Variants in KIRREL3 observed in about 807,000 individuals in gnomAD.
KIRREL3 encodes the protein kirre like nephrin family adhesion molecule 3, also known as kin of IRRE-like protein 3.
In KIRREL3, 36 loss-of-function variants were observed where a neutral mutation model predicts 89.7. The ratio of observed to expected loss-of-function variants is 0.40; its 90% CI spans 0.31 to 0.53. The LOEUF (loss-of-function observed/expected upper bound fraction) is 0.53, where lower values mean the gene tolerates loss of function less well. KIRREL3 is among the 20% of genes least tolerant of loss of function. The pLI is 0.49. For synonymous variants in KIRREL3, 445 were observed against 441.4 expected (o/e 1.01, Z -0.10); for missense variants, 864 against 1,056.6 (o/e 0.82, Z 2.53).
chr11:126,517,394 A>C (rs1958452148), intron 4 of KIRREL3, among the ~76,000 whole-genome samples: 1 of 152,018 alleles, frequency 6.6e-6, no homozygotes, highest in Admixed American at 6.5e-5. Flanking sequence ...TTCCTACCCC[A>C]TGACAGCTCT....
intron 4 of KIRREL3, among the ~76,000 whole-genome samples, chr11:126,514,398 C>T (rs1002778785): frequency 5.3e-5 from 8 of 152,172 alleles, no homozygotes; most frequent in African/African-American, 1.9e-4. Flanking sequence ...GTGCAGCCTG[C>T]TGGGAGGGGC....
In KIRREL3 at chr11:126,473,418, C is replaced by G. The variant is rs779979146; in HGVS notation, c.482G>C (p.Arg161Pro). 2 of 1,584,222 alleles carry G rather than the reference C, an allele frequency of 1.3e-6. No homozygotes were observed. The highest frequency in any genetic ancestry group is 1.7e-6 in the Non-Finnish European group (2 of 1,161,252). The part of the protein sequence containing the change: ...VILGGPVISL[R>P]AGDPLNLTCH... ...GGTGAGGTTGAGAGGGTCCCCCGCACGCAGGCTGATCACAGGGCCCCCCAG... is the reference window on the plus strand; with the variant it reads ...GGTGAGGTTGAGAGGGTCCCCCGCAGGCAGGCTGATCACAGGGCCCCCCAG... The change falls in exon 5 of 17, where the codon CGT (arginine) becomes CCT (proline). Residue 161 changes from arginine to proline, a missense_variant. Coordinates refer to ENST00000525144, the MANE Select transcript of KIRREL3 (RefSeq NM_032531.4).
chr11:126,618,940 C>T (rs893137782), intron 1 of KIRREL3, among the ~76,000 whole-genome samples: 5 of 152,178 alleles, frequency 3.3e-5, no homozygotes, highest in Non-Finnish European at 7.3e-5. Context: ...AATACGTGTC[C>T]ACTGTGTGTC....
chr11:126,805,579 A>G lies in KIRREL3; in HGVS notation c.55+194876T>C, dbSNP rs1019630341. On this transcript the variant is annotated intron_variant, in intron 1 of 16. Coordinates refer to ENST00000525144, the MANE Select transcript of KIRREL3 (RefSeq NM_032531.4). This position sits in a 1 kb window ranked among gnomAD's most constrained non-coding sequence, Gnocchi z 4.3. ...TTGTCATCCATTAATTAATGAATAA[A>G]TTAAACAAGGCTTTTCCACTCTATC... Among the ~76,000 whole-genome samples the G allele has an allele frequency of 6.6e-6, 1 of 152,222 alleles. No homozygotes were observed. The highest frequency in any genetic ancestry group is 1.5e-5 in the Non-Finnish European group (1 of 68,038).
In KIRREL3 at chr11:126,489,926, G is replaced by C. The variant is rs1328457386; in HGVS notation, c.434-16460C>G. ...GTTAAAATACGTGGGTCTCAGCTCA[G>C]ATCTCCATCCCTGGCACTGTGCAGG... On this transcript the variant is annotated intron_variant, in intron 4 of 16. Coordinates refer to ENST00000525144, the MANE Select transcript of KIRREL3 (RefSeq NM_032531.4). This position sits in a 1 kb window ranked among gnomAD's most constrained non-coding sequence, Gnocchi z 5.5. Among the ~76,000 whole-genome samples, 1 of 152,128 alleles carries C rather than the reference G, an allele frequency of 6.6e-6. No homozygotes were observed. The highest frequency in any genetic ancestry group is 6.5e-5 in the Admixed American group (1 of 15,274).
chr11:126,738,381 G>A (rs771900088), intron 1 of KIRREL3, among the ~76,000 whole-genome samples: 8 of 152,110 alleles, frequency 5.3e-5, no homozygotes, highest in Non-Finnish European at 1.0e-4. Flanking sequence ...GCTGCAGCTG[G>A]AAGTGGGTTT....
In KIRREL3 at chr11:126,877,633, A is replaced by G. The variant is rs1034349621; in HGVS notation, c.55+122822T>C. On this transcript the variant is annotated intron_variant, in intron 1 of 16. Transcript: ENST00000525144. This position sits in a 1 kb window ranked among gnomAD's most constrained non-coding sequence, Gnocchi z 4.9. Reference sequence around the variant, plus strand: ...TTTGACTTGGCTTATTTGAAAAATTATCCCGTTTTATCAATTTTATTTGGC... The same window carrying G: ...TTTGACTTGGCTTATTTGAAAAATTGTCCCGTTTTATCAATTTTATTTGGC... Among the ~76,000 whole-genome samples, 2 of 152,240 alleles carry G rather than the reference A, an allele frequency of 1.3e-5. No homozygotes were observed. Among genetic ancestry groups the G allele is most frequent in the African/African-American group, 4.8e-5 (2 of 41,466 alleles).
chr11:126,454,396 G>A lies in KIRREL3; in HGVS notation c.848+1953C>T, dbSNP rs898601672. ...CCAGAGCCTGGCAGTGAGGAGAAACGAAAGTCGAAAGTTGTGTGTCCTGGT... is the reference window on the plus strand; with the variant it reads ...CCAGAGCCTGGCAGTGAGGAGAAACAAAAGTCGAAAGTTGTGTGTCCTGGT... On this transcript the variant is annotated intron_variant, in intron 7 of 16. Transcript: ENST00000525144. This position sits in a 1 kb window ranked among gnomAD's most constrained non-coding sequence, Gnocchi z 5.8. 2.6e-5 allele frequency among the ~76,000 whole-genome samples: 4 copies of A among 152,094 alleles called. No individual in the cohort carries two copies. The highest frequency in any genetic ancestry group is 2.1e-4 in the South Asian group (1 of 4,816).
chr11:126,836,618 T>C (rs965513434), intron 1 of KIRREL3, among the ~76,000 whole-genome samples: 1 of 152,210 alleles, frequency 6.6e-6, no homozygotes, highest in Admixed American at 6.5e-5. Context: ...GAAAGCCAAC[T>C]TTCTGTTGTG....
Position 126,883,268 on chromosome 11 carries a change from T to G in KIRREL3, c.55+117187A>C, listed in dbSNP as rs1945574447. 6.6e-6 allele frequency among the ~76,000 whole-genome samples: 1 copy of G among 152,102 alleles called. No homozygotes were observed. The highest frequency in any genetic ancestry group is 2.4e-5 in the African/African-American group (1 of 41,414). ...TAGTTAAGAGGAAATTGAGGCAACT[T>G]GGAAAGGCAAAGCAGGTCACCAGAA... On this transcript the variant is annotated intron_variant, in intron 1 of 16. Transcript: ENST00000525144. This position sits in a 1 kb window ranked among gnomAD's most constrained non-coding sequence, Gnocchi z 4.1.
At chr11:126,693,292 G>A (rs541996288) in intron 1 of KIRREL3, among the ~76,000 whole-genome samples, 30 of 152,204 alleles carry the variant, frequency 2.0e-4, no homozygotes, top group African/African-American at 5.5e-4. Flanking sequence ...GTGGTGGCGC[G>A]CACCTGTAAT....
chr11:126,927,887 T>C (rs1947789374), intron 1 of KIRREL3, among the ~76,000 whole-genome samples: 1 of 152,254 alleles, frequency 6.6e-6, no homozygotes, highest in Admixed American at 6.5e-5. Flanking sequence ...ACCTTGCAAT[T>C]CACTTAGGCT....
intron 1 of KIRREL3, among the ~76,000 whole-genome samples, chr11:126,765,244 A>G (rs1037454816): frequency 2.6e-5 from 4 of 152,192 alleles, no homozygotes; most frequent in African/African-American, 9.6e-5. Context: ...CATCTGTAAA[A>G]TACAGACCAT....
rs1950865419 is a variant in KIRREL3, at chr11:126,797,960, C to A, written c.55+202495G>T. Among the ~76,000 whole-genome samples, 1 of 152,170 alleles carries A rather than the reference C, an allele frequency of 6.6e-6. No individual in the cohort carries two copies. On this transcript the variant is annotated intron_variant, in intron 1 of 16. Coordinates refer to ENST00000525144, the MANE Select transcript of KIRREL3 (RefSeq NM_032531.4). This position sits in a 1 kb window ranked among gnomAD's most constrained non-coding sequence, Gnocchi z 4.9. ...CAAAGTAACACATGGGCTGTTTGTG[C>A]TTTTGCTAACTCCTGTGTGCTCCTG...
chr11:126,701,256 T>C (rs975242200), intron 1 of KIRREL3, among the ~76,000 whole-genome samples: 4 of 152,198 alleles, frequency 2.6e-5, no homozygotes, highest in Admixed American at 6.5e-5. Flanking sequence ...GATGAATTCC[T>C]GGGTATGCCA....
chr11:126,509,721 C>T (rs1400571551), intron 4 of KIRREL3, among the ~76,000 whole-genome samples: 2 of 152,168 alleles, frequency 1.3e-5, no homozygotes, highest in South Asian at 4.1e-4. Context: ...TTGGGCCCAG[C>T]GTGGTAGCTC....
chr11:126,812,863 G>A lies in KIRREL3; in HGVS notation c.55+187592C>T, dbSNP rs1262137364. ...GCCCAAGAACATGGCTCCATCTAAAGGAAGTGGCCTACGGGAATCTGCGCA... is the reference window on the plus strand; with the variant it reads ...GCCCAAGAACATGGCTCCATCTAAAAGAAGTGGCCTACGGGAATCTGCGCA... On this transcript the variant is annotated intron_variant, in intron 1 of 16. Transcript: ENST00000525144. The surrounding 1 kb of genome is among the most constrained non-coding windows in gnomAD (Gnocchi z 5.2). Among the ~76,000 whole-genome samples the A allele has an allele frequency of 1.3e-5, 2 of 152,184 alleles. No individual in the cohort carries two copies. The highest frequency in any genetic ancestry group is 2.9e-5 in the Non-Finnish European group (2 of 68,032).
chr11:126,790,616 G>T (rs1950608280), intron 1 of KIRREL3, among the ~76,000 whole-genome samples: 1 of 152,038 alleles, frequency 6.6e-6, no homozygotes, highest in Admixed American at 6.6e-5. Context: ...TATTGTTTTG[G>T]CCTGTGTCGC....
In KIRREL3 at chr11:126,463,336, G is replaced by T; in HGVS notation, c.592-29C>A. 1 of 1,598,720 alleles carries T rather than the reference G, an allele frequency of 6.3e-7. No individual in the cohort carries two copies. The highest frequency in any genetic ancestry group is 8.6e-7 in the Non-Finnish European group (1 of 1,169,216). ...GGGAGAAAGGGAAAGGGGAGAGAAAGCTCCATGTCGCTTGGCTGGGGTGGC... is the reference window on the plus strand; with the variant it reads ...GGGAGAAAGGGAAAGGGGAGAGAAATCTCCATGTCGCTTGGCTGGGGTGGC... On this transcript the variant is annotated intron_variant, in intron 5 of 16. Coordinates refer to ENST00000525144, the MANE Select transcript of KIRREL3 (RefSeq NM_032531.4). The surrounding 1 kb of genome is among the most constrained non-coding windows in gnomAD (Gnocchi z 5.9).
Sources: gnomAD v4.1 joint callset for allele counts (sites outside exome capture counted in the v4.1 genomes callset) on GRCh38, gnomAD v4.1.1 for gene constraint, Gnocchi (gnomAD v3.1) non-coding constraint, MANE v1.5 for transcripts, NCBI Gene and HGNC (gene_info 2026-07-23, HGNC 2026-07-21) for gene names.